Variants in VWA3B observed in about 807,000 individuals in gnomAD.
The protein encoded by VWA3B is von Willebrand factor A domain-containing protein 3B.
A neutral mutation model predicts 158.3 loss-of-function variants in VWA3B; 138 were observed. That is an observed-to-expected ratio of 0.87 (90% CI 0.76 to 1.00). The LOEUF (loss-of-function observed/expected upper bound fraction) is 1.00. Among genes scored for constraint, VWA3B ranks in the 50% least tolerant of loss-of-function variants. The probability of loss-of-function intolerance (pLI) is 0.00; values close to 1 mark genes in which losing one functional copy is unlikely to be tolerated. For synonymous variants in VWA3B, 596 were observed against 587.3 expected (o/e 1.01, Z -0.21); for missense variants, 1,555 against 1,565.1 (o/e 0.99, Z 0.11).
intron 22 of VWA3B, among the ~76,000 whole-genome samples, chr2:98,271,691 CATA>C (rs748143380): frequency 5.1e-4 from 77 of 152,258 alleles, no homozygotes; most frequent in Non-Finnish European, 9.0e-4. Context: ...TGCTTTCTCA[CATA>C]ATATTTGCAT....
intron 8 of VWA3B, among the ~76,000 whole-genome samples, chr2:98,178,013 A>G (rs1407308601): frequency 6.6e-6 from 1 of 152,184 alleles, no homozygotes; most frequent in African/African-American, 2.4e-5. Context: ...AGGTCTTCCT[A>G]AGCAGAAACA....
At chr2:98,313,994 C>T (rs780935129), downstream of VWA3B, among the ~76,000 whole-genome samples, 9 of 152,348 alleles carry the variant, frequency 5.9e-5, no homozygotes, top group Non-Finnish European at 1.0e-4. Context: ...ACAACTAACA[C>T]ACCTGCTAAA....
intron 16 of VWA3B, 126 bp from the exon 17 acceptor site, chr2:98,234,522 A>G (rs554414773): frequency 1.9e-5 from 26 of 1,398,434 alleles, no homozygotes; most frequent in East Asian, 1.4e-4. Flanking sequence ...TGGCAGCACC[A>G]TCCTCAGAGG....
At chr2:98,282,783 C>T (rs1481353795) in intron 22 of VWA3B, among the ~76,000 whole-genome samples, 2 of 152,164 alleles carry the variant, frequency 1.3e-5, no homozygotes, top group Non-Finnish European at 2.9e-5. Context: ...TGTCCTTGTC[C>T]TTTCCAGTGA....
chr2:98,320,984 T>A, the VWA3B span, among the ~76,000 whole-genome samples: 6 of 151,670 alleles, frequency 4.0e-5, 1 homozygote, highest in Non-Finnish European at 8.8e-5. Context: ...ACGGAAAAAA[T>A]GGTTTTGTGG....
At chr2:98,179,629 ACCTT>A (rs1485194130) in intron 8 of VWA3B, among the ~76,000 whole-genome samples, 1 of 150,436 alleles carries the variant, frequency 6.6e-6, no homozygotes, top group Non-Finnish European at 1.5e-5. Context: ...CACGTGACCT[ACCTT>A]CCTTCCTTTC....
chr2:98,218,109 T>C (rs1684189068), intron 14 of VWA3B, 81 bp downstream of exon 14: 1 of 1,422,586 alleles, frequency 7.0e-7, no homozygotes. Context: ...ATACCTTCGT[T>C]GGGAAAATAG....
chr2:98,281,689 C>T (rs1442357609), intron 22 of VWA3B, among the ~76,000 whole-genome samples: 4 of 152,064 alleles, frequency 2.6e-5, no homozygotes, highest in South Asian at 2.1e-4. Context: ...AATTAAGTCA[C>T]GAAATGAAAA....
At chr2:98,139,345 C>T (rs762284186) in intron 7 of VWA3B, among the ~76,000 whole-genome samples, 18 of 152,376 alleles carry the variant, frequency 1.2e-4, no homozygotes, top group East Asian at 9.7e-4. Flanking sequence ...CCCTGCTCCA[C>T]GGTGCCCAGT....
At chr2:98,121,608 G>A in intron 5 of VWA3B, 150 bp downstream of exon 5, 1 of 1,114,790 alleles carries the variant, frequency 9.0e-7, no homozygotes, top group Non-Finnish European at 1.3e-6. Flanking sequence ...GATGGTGATG[G>A]CATAGCTGGA....
Position 98,270,813 on chromosome 2 carries a change from T to C in VWA3B, c.2975T>C (p.Met992Thr), listed in dbSNP as rs779101327. 8.7e-6 allele frequency: 14 copies of C among 1,613,880 alleles called. No individual in the cohort carries two copies. The East Asian group carries it at 1.6e-4, about 18-fold the overall frequency. The change falls in exon 22 of 28, where the codon ATG becomes ACG. Residue 992 changes from methionine (M) to threonine (T), a missense_variant. Transcript: ENST00000477737. ...MLESEILAGK[M>T]YIQQAMELQE... ...GAAAGTGAAATCCTAGCTGGGAAAA[T>C]GTACATCCAGCAGGCCATGGAACTC...
intron 7 of VWA3B, among the ~76,000 whole-genome samples, chr2:98,134,857 T>C (rs945076373): frequency 1.3e-5 from 2 of 151,832 alleles, no homozygotes; most frequent in Non-Finnish European, 2.9e-5. Context: ...AAAGTGAAGA[T>C]GAGTCATGAG....
chr2:98,148,924 T>C (rs1016352156), intron 7 of VWA3B, among the ~76,000 whole-genome samples: 11 of 152,226 alleles, frequency 7.2e-5, no homozygotes, highest in Non-Finnish European at 1.5e-4. Context: ...GGGCTTCACG[T>C]TATCCAAATA....
Position 98,312,222 on chromosome 2 carries a change from C to A in VWA3B, c.3758C>A (p.Ala1253Glu), listed in dbSNP as rs913110591. The stretch of plus-strand genomic sequence containing the variant: ...CAGACAGCCCACCTCCACTTCCCCG[C>A]GGCCGGGCGTCTAGGACTCAGCAGC... ...EPRTAHLHFPAAGRLGLSSHA... is the reference protein window; with the variant it reads ...EPRTAHLHFPEAGRLGLSSHA... The change falls in exon 28 of 28, where the codon GCG (alanine) becomes GAG (glutamate). Residue 1253 changes from alanine to glutamate, a missense_variant. By Grantham distance (107) the Ala-to-Glu change is moderately radical. Transcript: ENST00000477737. 6.2e-7 allele frequency: 1 copy of A among 1,614,190 alleles called. No homozygotes were observed. Among genetic ancestry groups the A allele is most frequent in the South Asian group, 1.1e-5 (1 of 91,084 alleles).
intron 12 of VWA3B, among the ~76,000 whole-genome samples, chr2:98,209,156 T>C (rs1683279530): frequency 6.6e-6 from 1 of 152,238 alleles, no homozygotes; most frequent in South Asian, 2.1e-4. Flanking sequence ...TTCTTTGTTT[T>C]TAGTTTCAGA....
intron 8 of VWA3B, among the ~76,000 whole-genome samples, chr2:98,177,968 T>C (rs1680151597): frequency 6.6e-6 from 1 of 152,046 alleles, no homozygotes; most frequent in African/African-American, 2.4e-5. Flanking sequence ...ACTGCACCTA[T>C]TGATCAGGAA....
chr2:98,234,609 CCCCAATT>C (rs1160300157), intron 16 of VWA3B, 32 bp from the exon 17 acceptor site: 1 of 1,613,206 alleles, frequency 6.2e-7, no homozygotes, highest in East Asian at 2.2e-5. Context: ...CTCCTTCCAT[CCCCAATT>C]CCTTTAACTC....
intron 26 of VWA3B, among the ~76,000 whole-genome samples, chr2:98,307,913 C>T (rs1394006112): frequency 1.3e-5 from 2 of 152,186 alleles, no homozygotes; most frequent in Admixed American, 1.3e-4. Flanking sequence ...TCCCCCCAAC[C>T]TCCTTTCCTT....
chr2:98,094,677 T>C (rs74632051), intron 2 of VWA3B, among the ~76,000 whole-genome samples: 124 of 152,318 alleles, frequency 8.1e-4, no homozygotes, highest in African/African-American at 2.9e-3. Context: ...GCTTTTGAGG[T>C]CATATCCAAA....
Sources: allele counts gnomAD v4.1 joint callset (sites outside exome capture counted in the v4.1 genomes callset), GRCh38; gene constraint gnomAD v4.1.1; transcripts MANE v1.5; gene names NCBI Gene and HGNC (gene_info 2026-07-23, HGNC 2026-07-21).